The following SNTG2 variants were observed in gnomAD, a reference collection of about 807,000 sequenced individuals.
SNTG2 encodes the protein gamma-2-syntrophin.
Under a neutral mutation model 70.9 loss-of-function variants are expected in SNTG2, and 74 were observed. The ratio of observed to expected loss-of-function variants is 1.04; its 90% confidence interval spans 0.86 to 1.27. SNTG2 has a LOEUF of 1.27. Among genes scored for constraint, SNTG2 ranks in the 50% most tolerant of loss-of-function variants. The pLI is 0.00. For synonymous variants in SNTG2, 278 were observed against 273.8 expected (o/e 1.02, Z -0.15); for missense variants, 717 against 690.7 (o/e 1.04, Z -0.43).
intron 8 of SNTG2, among the ~76,000 whole-genome samples, chr2:1,175,991 G>T (rs770659033): frequency 4.6e-5 from 7 of 152,190 alleles, no homozygotes; most frequent in Non-Finnish European, 7.4e-5. Flanking sequence ...TTCAGGCTTT[G>T]GTGGATGTGA....
chr2:1,046,940 C>A (rs1257576882), intron 1 of SNTG2, among the ~76,000 whole-genome samples: 1 of 152,026 alleles, frequency 6.6e-6, no homozygotes, highest in African/African-American at 2.4e-5. Flanking sequence ...TTGTTATTTT[C>A]CTTAAATATA....
At position 1,138,397 on chromosome 2, in the gene SNTG2, A is replaced by G. The variant is rs147625879; in HGVS notation, c.411+588A>G. Among the ~76,000 whole-genome samples the G allele has an allele frequency of 1.0e-3, 155 of 152,314 alleles. 1 individual carries two copies. Among genetic ancestry groups the G allele is most frequent in the African/African-American group, 3.4e-3 (142 of 41,570 alleles). On this transcript the variant is annotated intron_variant, in intron 6 of 16. Transcript: ENST00000308624. ...GGTTAGGCGGATGAAACAGACGTCT[A>G]TCCCCGAGGTACTCATTCTGGCTGT...
At chr2:993,039 TGTTGGTCATACA>T (rs1031497445) in intron 1 of SNTG2, among the ~76,000 whole-genome samples, 2 of 151,330 alleles carry the variant, frequency 1.3e-5, no homozygotes, top group African/African-American at 4.9e-5. Context: ...TTTTACATAG[TGTTGGTCATACA>T]GTTGGTCTTT....
At chr2:1,285,731 C>T (rs1031573788) in intron 14 of SNTG2, among the ~76,000 whole-genome samples, 1 of 152,224 alleles carries the variant, frequency 6.6e-6, no homozygotes, top group African/African-American at 2.4e-5. Flanking sequence ...TGACTTCCTT[C>T]TTCTAATACC....
chr2:1,159,317 T>A (rs2147837817), intron 6 of SNTG2: 1 of 152,206 alleles, frequency 6.6e-6, no homozygotes, highest in Admixed American at 6.6e-5. Flanking sequence ...TTCTCATGGG[T>A]CTTTATTCAA....
chr2:1,188,858 T>C (rs1672406150), intron 8 of SNTG2, among the ~76,000 whole-genome samples: 2 of 152,220 alleles, frequency 1.3e-5, no homozygotes, highest in Admixed American at 1.3e-4. Context: ...CAATGGCAAA[T>C]CTTAATAAAT....
At chr2:1,028,418 A>G (rs1441094512) in intron 1 of SNTG2, among the ~76,000 whole-genome samples, 2 of 152,238 alleles carry the variant, frequency 1.3e-5, no homozygotes, top group Admixed American at 6.5e-5. Flanking sequence ...AGGTATCCTG[A>G]TAGGGTAGCA....
At chr2:1,270,579 G>C (rs1678967621) in intron 14 of SNTG2, among the ~76,000 whole-genome samples, 1 of 152,156 alleles carries the variant, frequency 6.6e-6, no homozygotes, top group Non-Finnish European at 1.5e-5. Context: ...AAGATTTCAA[G>C]AATTGCTGTC....
At chr2:1,257,133 AC>A (rs796153603) in intron 12 of SNTG2, among the ~76,000 whole-genome samples, 71 of 151,990 alleles carry the variant, frequency 4.7e-4, no homozygotes, top group African/African-American at 1.7e-3. Context: ...ATACTGCCAC[AC>A]CCATAACATC....
At position 1,153,271 on chromosome 2, in the gene SNTG2, A is replaced by C. The variant is rs551456616; in HGVS notation, c.412-12277A>C. On this transcript the variant is annotated intron_variant, in intron 6 of 16. Coordinates refer to ENST00000308624, the MANE Select transcript of SNTG2 (RefSeq NM_018968.4). Reference sequence around the variant, plus strand: ...TCTTTTTTTTATTATCCATTTTTTTATTATACTTTAAAGTTTTAGGGTACA... The same window carrying C: ...TCTTTTTTTTATTATCCATTTTTTTCTTATACTTTAAAGTTTTAGGGTACA... Among the ~76,000 whole-genome samples, 58 of 152,262 alleles carry C rather than the reference A, an allele frequency of 3.8e-4. 1 individual carries two copies. In the South Asian group the frequency reaches 0.012, roughly 31 times the overall value.
intron 1 of SNTG2, among the ~76,000 whole-genome samples, chr2:1,077,899 C>T (rs1664030513): frequency 6.6e-6 from 1 of 152,102 alleles, no homozygotes; most frequent in African/African-American, 2.4e-5. Context: ...GGATGTCATA[C>T]ACCCTACAGG....
At chr2:1,042,333 T>G (rs1170181414) in intron 1 of SNTG2, among the ~76,000 whole-genome samples, 1 of 152,206 alleles carries the variant, frequency 6.6e-6, no homozygotes, top group Admixed American at 6.5e-5. Flanking sequence ...CAAATATTTC[T>G]CAATTTAACT....
At chr2:1,121,757 A>C (rs145493070) in intron 4 of SNTG2, among the ~76,000 whole-genome samples, 1,938 of 152,266 alleles carry the variant, frequency 0.013, 12 homozygotes, top group Non-Finnish European at 0.018. Context: ...AGCATGGGGG[A>C]AACTGCCCCC....
chr2:1,103,791 A>G (rs1665946830), intron 4 of SNTG2, among the ~76,000 whole-genome samples: 1 of 152,182 alleles, frequency 6.6e-6, no homozygotes, highest in Admixed American at 6.5e-5. Context: ...CACTCATTGA[A>G]TCGGTTGTTA....
rs761696323 is a variant in SNTG2 at position 1,098,232 on chromosome 2, G to A, written c.247G>A (p.Gly83Ser). Reference sequence around the variant, plus strand: ...TACACTCCGCAGACAGCCAGTTGGCGGCTTGGGCCTGAGTATAAAGGTATG... The same window carrying A: ...TACACTCCGCAGACAGCCAGTTGGCAGCTTGGGCCTGAGTATAAAGGTATG... ...TVTLRRQPVG[G>S]LGLSIKGGSE... Residue 83 changes from glycine (G) to serine (S), a missense_variant, in exon 3 of 17, where the codon GGC (glycine) becomes AGC (serine). Coordinates refer to ENST00000308624, the MANE Select transcript of SNTG2 (RefSeq NM_018968.4). The A allele has an allele frequency of 3.0e-5, 49 of 1,613,984 alleles. No homozygotes were observed. The highest frequency in any genetic ancestry group is 3.3e-4 in the Middle Eastern group (2 of 6,062).
At chr2:1,248,783 G>A (rs1677589539) in intron 12 of SNTG2, among the ~76,000 whole-genome samples, 8 of 152,170 alleles carry the variant, frequency 5.3e-5, no homozygotes, top group Admixed American at 5.2e-4. Flanking sequence ...GATGCATGAA[G>A]GGGCTGAGGT....
At chr2:1,193,950 G>A (rs976826186) in intron 8 of SNTG2, among the ~76,000 whole-genome samples, 1 of 152,228 alleles carries the variant, frequency 6.6e-6, no homozygotes, top group Non-Finnish European at 1.5e-5. Flanking sequence ...CACAGTGTGG[G>A]CACACTTAGC....
intron 8 of SNTG2, among the ~76,000 whole-genome samples, chr2:1,207,035 A>G (rs1673675883): frequency 6.6e-6 from 1 of 152,222 alleles, no homozygotes; most frequent in African/African-American, 2.4e-5. Flanking sequence ...ATTATTGTGC[A>G]TGCAAATACC....
chr2:1,326,424 T>C (rs1681762517), intron 16 of SNTG2, among the ~76,000 whole-genome samples: 1 of 152,178 alleles, frequency 6.6e-6, no homozygotes, highest in African/African-American at 2.4e-5. Flanking sequence ...TTTAACACAC[T>C]TGAACAAAAC....
Sources: allele counts gnomAD v4.1 joint callset (sites outside exome capture counted in the v4.1 genomes callset), GRCh38; gene constraint gnomAD v4.1.1; transcripts MANE v1.5; gene names NCBI Gene and HGNC (gene_info 2026-07-23, HGNC 2026-07-21).